The following NR6A1 variants were observed in gnomAD, a reference collection of about 807,000 sequenced individuals.
NR6A1 encodes nuclear receptor subfamily 6 group A member 1.
NR6A1 carries 7 observed loss-of-function variants against 59.1 expected under a neutral mutation model. That is an observed-to-expected ratio of 0.12 (90% CI 0.07 to 0.22). NR6A1 has a LOEUF of 0.22. Ranked by LOEUF, NR6A1 falls within the 10% of genes least tolerant of loss-of-function variation. The probability of loss-of-function intolerance (pLI) is 1.00; values close to 1 mark genes in which losing one functional copy is unlikely to be tolerated. For missense variants in NR6A1, 468 were observed against 611.6 expected (o/e 0.77, Z 2.48); for synonymous variants, 243 against 236.1 (o/e 1.03, Z -0.27).
At chr9:124,736,141 T>C (rs796858750) in intron 1 of NR6A1, among the ~76,000 whole-genome samples, 26 of 152,286 alleles carry the variant, frequency 1.7e-4, no homozygotes, top group African/African-American at 5.3e-4. Flanking sequence ...GCTGGTACAA[T>C]GGGAAGGTTA....
rs114743688 is a variant in NR6A1, at chr9:124,596,671, T to C, written c.143-42101A>G. The stretch of plus-strand genomic sequence containing the variant: ...CTCATAAGATCTTAAACAATCATCA[T>C]GCTATAGCTTCCCTGATTCATGAAC... On this transcript the variant is annotated intron_variant, in intron 2 of 9. Transcript: ENST00000487099. 9.6e-3 allele frequency among the ~76,000 whole-genome samples: 1,458 copies of C among 152,328 alleles called. 26 individuals carry two copies. The highest frequency in any genetic ancestry group is 0.034 in the African/African-American group (1,397 of 41,558).
intron 2 of NR6A1, among the ~76,000 whole-genome samples, chr9:124,574,316 T>C (rs184311071): frequency 3.9e-4 from 60 of 152,328 alleles, no homozygotes; most frequent in Non-Finnish European, 8.2e-4. Flanking sequence ...ACTTGCTAGA[T>C]ACCACTCTGA....
chr9:124,523,896 T>C (rs1055049095), intron 9 of NR6A1, among the ~76,000 whole-genome samples: 1 of 152,226 alleles, frequency 6.6e-6, no homozygotes, highest in Admixed American at 6.5e-5. Context: ...TAGGTCACAT[T>C]TCTGAGCTGC....
intron 2 of NR6A1, among the ~76,000 whole-genome samples, chr9:124,590,538 T>C (rs13287644): frequency 0.013 from 1,916 of 152,310 alleles, 20 homozygotes; most frequent in Admixed American, 0.022. Flanking sequence ...AGGAGATCTG[T>C]AGTTTAGGTG....
chr9:124,743,528 G>A (rs746674569), intron 1 of NR6A1, among the ~76,000 whole-genome samples: 6 of 152,184 alleles, frequency 3.9e-5, no homozygotes, highest in Admixed American at 6.5e-5. Context: ...GTACACGAGT[G>A]TCTATATTTC....
chr9:124,689,172 AT>A (rs1823466516), intron 2 of NR6A1, among the ~76,000 whole-genome samples: 1 of 152,224 alleles, frequency 6.6e-6, no homozygotes, highest in South Asian at 2.1e-4. Flanking sequence ...ATTTATTAAC[AT>A]AGAAATAATA....
intron 1 of NR6A1, among the ~76,000 whole-genome samples, chr9:124,746,960 C>T (rs1840351880): frequency 1.3e-5 from 2 of 152,106 alleles, no homozygotes; most frequent in South Asian, 4.1e-4. Flanking sequence ...GAGACATTAA[C>T]AGCAGTGGTC....
chr9:124,527,694 G>A (rs1564164237), intron 7 of NR6A1, among the ~76,000 whole-genome samples: 2 of 152,216 alleles, frequency 1.3e-5, no homozygotes, highest in Non-Finnish European at 2.9e-5. Context: ...GGTTTTTCCA[G>A]TATCTAAGGT....
At chr9:124,538,382 T>C (rs1420100372) in intron 5 of NR6A1, 63 bp from the exon 6 acceptor site, 4 of 1,316,804 alleles carry the variant, frequency 3.0e-6, no homozygotes, top group Non-Finnish European at 4.3e-6. Flanking sequence ...TCAAAGGAAG[T>C]GAGCCAGAAG....
At chr9:124,620,521 T>C (rs1263798833) in intron 2 of NR6A1, among the ~76,000 whole-genome samples, 1 of 152,212 alleles carries the variant, frequency 6.6e-6, no homozygotes, top group East Asian at 1.9e-4. Flanking sequence ...TCAAGTGCTA[T>C]GGCACGGACA....
At chr9:124,723,035 T>C (rs1189335277) in intron 2 of NR6A1, among the ~76,000 whole-genome samples, 1 of 152,076 alleles carries the variant, frequency 6.6e-6, no homozygotes, top group East Asian at 1.9e-4. Context: ...TAAATATATA[T>C]ACATACACAC....
At chr9:124,564,024 G>A (rs927775052) in intron 2 of NR6A1, among the ~76,000 whole-genome samples, 7 of 152,156 alleles carry the variant, frequency 4.6e-5, no homozygotes, top group African/African-American at 1.7e-4. Flanking sequence ...GCTGCAATGA[G>A]CTCTGACTGT....
intron 2 of NR6A1, among the ~76,000 whole-genome samples, chr9:124,687,978 C>T (rs893287642): frequency 6.6e-6 from 1 of 152,070 alleles, no homozygotes; most frequent in Non-Finnish European, 1.5e-5. Context: ...AAATTAGGCA[C>T]AGTAAGACAG....
chr9:124,689,936 C>T (rs556049006), intron 2 of NR6A1, among the ~76,000 whole-genome samples: 88 of 152,254 alleles, frequency 5.8e-4, no homozygotes, highest in Middle Eastern at 6.8e-3. Context: ...ATAGTGGGCT[C>T]CAGGATGGCA....
At chr9:124,522,880 T>A in intron 9 of NR6A1, 87 bp from the exon 10 acceptor site, 1 of 1,025,722 alleles carries the variant, frequency 9.7e-7, no homozygotes, top group Non-Finnish European at 1.4e-6. Flanking sequence ...GGAGGCAGAG[T>A]ATCACCTTGC....
intron 2 of NR6A1, among the ~76,000 whole-genome samples, chr9:124,612,338 G>C (rs1476477746): frequency 6.6e-6 from 1 of 152,092 alleles, no homozygotes; most frequent in Non-Finnish European, 1.5e-5. Flanking sequence ...CTGACCCCGG[G>C]CTCAGATGTG....
At chr9:124,734,865 C>G (rs557650030) in intron 1 of NR6A1, among the ~76,000 whole-genome samples, 2 of 151,876 alleles carry the variant, frequency 1.3e-5, no homozygotes, top group Non-Finnish European at 2.9e-5. Flanking sequence ...TTGTTTGATA[C>G]GGAGTTTTGC....
At chr9:124,689,346 T>A (rs529684835) in intron 2 of NR6A1, among the ~76,000 whole-genome samples, 1,880 of 152,318 alleles carry the variant, frequency 0.012, 39 homozygotes, top group African/African-American at 0.042. Context: ...TGCTCTTTAC[T>A]ATGCTGTAAA....
intron 2 of NR6A1, among the ~76,000 whole-genome samples, chr9:124,698,824 C>CT (rs1014962173): frequency 5.3e-5 from 8 of 152,092 alleles, no homozygotes; most frequent in Non-Finnish European, 5.9e-5. Context: ...ATTATCCTGG[C>CT]TATACTTGCC....
Sources: gnomAD v4.1 joint callset for allele counts (sites outside exome capture counted in the v4.1 genomes callset) on GRCh38, gnomAD v4.1.1 for gene constraint, MANE v1.5 for transcripts, NCBI Gene and HGNC (gene_info 2026-07-23, HGNC 2026-07-21) for gene names.